RGS6: variants seen among roughly 807,000 people sequenced by gnomAD.
RGS6 encodes the protein regulator of G-protein signaling 6.
RGS6 carries 30 observed loss-of-function variants against 78.5 expected under a neutral mutation model. The ratio of observed to expected loss-of-function variants is 0.38; its 90% CI spans 0.29 to 0.52. The LOEUF is 0.52. Ranked by LOEUF, RGS6 falls within the 20% of genes least tolerant of loss-of-function variation. RGS6 has a pLI of 0.85. For synonymous variants in RGS6, 206 were observed against 206.0 expected (o/e 1.00, Z 0.00); for missense variants, 495 against 609.7 (o/e 0.81, Z 1.98).
chr14:71,881,831 G>A, the RGS6 span, among the ~76,000 whole-genome samples: 3 of 152,292 alleles, frequency 2.0e-5, no homozygotes, highest in South Asian at 6.2e-4. Context: ...CAATTGGACA[G>A]TATGTCTTTC....
At chr14:72,470,912 G>GTGACAC (rs2096061934) in intron 8 of RGS6, among the ~76,000 whole-genome samples, 1 of 150,992 alleles carries the variant, frequency 6.6e-6, no homozygotes, top group Non-Finnish European at 1.5e-5. Flanking sequence ...ATTATAGGGC[G>GTGACAC]TGACACTGGA....
chr14:72,399,638 C>T (rs796697890), intron 3 of RGS6, among the ~76,000 whole-genome samples: 7 of 152,154 alleles, frequency 4.6e-5, no homozygotes, highest in Non-Finnish European at 1.5e-5. Context: ...ATGGTCTTTA[C>T]AATTTGGCAT....
chr14:71,984,114 A>T (rs1290563716), intron 2 of RGS6, among the ~76,000 whole-genome samples: 1 of 152,104 alleles, frequency 6.6e-6, no homozygotes, highest in Non-Finnish European at 1.5e-5. Flanking sequence ...GGGGCTATAC[A>T]TATATTGAGC....
At chr14:72,626,950 G>A in the RGS6 span, among the ~76,000 whole-genome samples, 10 of 149,328 alleles carry the variant, frequency 6.7e-5, 1 homozygote, top group South Asian at 2.1e-3. Context: ...GCATCTTTAA[G>A]GGTCATTTTT....
chr14:71,935,299 A>G (rs1812755391), intron 1 of RGS6, among the ~76,000 whole-genome samples: 1 of 152,252 alleles, frequency 6.6e-6, no homozygotes, highest in Admixed American at 6.5e-5. Context: ...AGAAAAAAAT[A>G]AAGGTTATCC....
At chr14:72,275,990 T>C (rs996821593) in intron 2 of RGS6, among the ~76,000 whole-genome samples, 11 of 152,156 alleles carry the variant, frequency 7.2e-5, no homozygotes. Context: ...GGACTGGGAC[T>C]GGGTAGCAGG....
At chr14:72,090,778 G>A (rs7154337) in intron 2 of RGS6, among the ~76,000 whole-genome samples, 24,493 of 152,146 alleles carry the variant, frequency 0.16, 2,128 homozygotes, top group Non-Finnish European at 0.18. Context: ...CAGCCAGGGA[G>A]TGTTACTAGG....
intron 3 of RGS6, among the ~76,000 whole-genome samples, chr14:72,401,155 A>G (rs1371743187): frequency 6.6e-6 from 1 of 152,008 alleles, no homozygotes; most frequent in African/African-American, 2.4e-5. Context: ...CCCCAAGTCT[A>G]CCTCCTTAAA....
chr14:72,206,880 C>G (rs1026455982), intron 2 of RGS6, among the ~76,000 whole-genome samples: 1 of 151,908 alleles, frequency 6.6e-6, no homozygotes, highest in African/African-American at 2.4e-5. Flanking sequence ...ACATGTACAA[C>G]CACATAGATT....
intron 15 of RGS6, among the ~76,000 whole-genome samples, chr14:72,520,411 A>G (rs907262880): frequency 2.0e-5 from 3 of 152,188 alleles, no homozygotes; most frequent in African/African-American, 7.2e-5. Flanking sequence ...AAACCACTTC[A>G]TGGATTGTGT....
intron 2 of RGS6, among the ~76,000 whole-genome samples, chr14:72,299,945 A>C (rs1377166456): frequency 6.6e-6 from 1 of 151,846 alleles, no homozygotes; most frequent in African/African-American, 2.4e-5. Flanking sequence ...TAAAGTGCCG[A>C]CTTTTGGTTT....
chr14:72,160,404 C>A (rs202163658), intron 2 of RGS6, among the ~76,000 whole-genome samples: 2 of 152,088 alleles, frequency 1.3e-5, no homozygotes, highest in Admixed American at 6.5e-5. Flanking sequence ...TGATCTTTGT[C>A]GTTTAATTGC....
the RGS6 span, among the ~76,000 whole-genome samples, chr14:71,879,589 A>T: frequency 2.0e-5 from 3 of 152,160 alleles, no homozygotes; most frequent in African/African-American, 7.2e-5. Flanking sequence ...GGTAGTGAAT[A>T]AGTCTCACAA....
Position 72,454,412 on chromosome 14 carries a change from T to G in RGS6, c.185-116T>G, listed in dbSNP as rs925271445. On this transcript the variant is annotated intron_variant, in intron 3 of 17. Coordinates refer to ENST00000553525, the MANE Select transcript of RGS6 (RefSeq NM_001204424.2). Reference sequence around the variant, plus strand: ...AGGACAAAAAAAAGTGCCCATATTATCCTGCTCTACAGTGTGGACTGTTTG... The same window carrying G: ...AGGACAAAAAAAAGTGCCCATATTAGCCTGCTCTACAGTGTGGACTGTTTG... The G allele has an allele frequency of 6.6e-6, 7 of 1,066,960 alleles. No homozygotes were observed. In the African/African-American group the frequency reaches 9.3e-5, roughly 14 times the overall value. The allele number at this position is 1,066,960 out of a possible 1,614,324, so 66.1% of individuals were successfully genotyped here.
intron 3 of RGS6, among the ~76,000 whole-genome samples, chr14:72,355,912 G>C (rs2080166759): frequency 1.3e-5 from 2 of 152,170 alleles, no homozygotes; most frequent in South Asian, 4.1e-4. Context: ...AGCCAGGGCA[G>C]CTATAATAGA....
At chr14:71,945,479 C>T (rs1365644340) in intron 1 of RGS6, among the ~76,000 whole-genome samples, 1 of 152,208 alleles carries the variant, frequency 6.6e-6, no homozygotes, top group African/African-American at 2.4e-5. Context: ...AGTGAGGTTT[C>T]TTCCACAATG....
At chr14:72,182,814 A>T (rs1327059173) in intron 2 of RGS6, among the ~76,000 whole-genome samples, 7 of 152,232 alleles carry the variant, frequency 4.6e-5, no homozygotes, top group African/African-American at 7.2e-5. Context: ...AAAGGTTTGA[A>T]TGGGCACGAT....
rs17115696 is a variant in RGS6 at position 72,442,105 on chromosome 14, C to T, written c.185-12423C>T. Among the ~76,000 whole-genome samples the T allele has an allele frequency of 6.9e-3, 1,045 of 152,112 alleles. 13 individuals are homozygous for T. The highest frequency in any genetic ancestry group is 0.024 in the African/African-American group (987 of 41,480). On this transcript the variant is annotated intron_variant, in intron 3 of 17. Transcript: ENST00000553525. ...ATGATTTCCCTCTGGTTCTTAAGCT[C>T]GGTTCTCTTTCTGCTTGATGCTTGA... is the stretch of plus-strand genomic sequence containing the variant.
intron 2 of RGS6, among the ~76,000 whole-genome samples, chr14:72,100,421 G>T (rs1186075589): frequency 6.6e-6 from 1 of 152,144 alleles, no homozygotes; most frequent in Non-Finnish European, 1.5e-5. Context: ...CTTGAACCTG[G>T]GAGGCAGAGG....
Sources: allele counts gnomAD v4.1 joint callset (sites outside exome capture counted in the v4.1 genomes callset), GRCh38; gene constraint gnomAD v4.1.1; transcripts MANE v1.5; gene names NCBI Gene and HGNC (gene_info 2026-07-23, HGNC 2026-07-21).